Variants in TDRD5 observed in about 807,000 individuals in gnomAD.
The protein encoded by TDRD5 is tudor domain containing 5.
Under a neutral mutation model 120.6 loss-of-function variants are expected in TDRD5, and 41 were observed. The observed-to-expected ratio is 0.34, with a 90% confidence interval of 0.26 to 0.44. TDRD5 has a LOEUF of 0.44. Ranked by LOEUF, TDRD5 falls within the 20% of genes least tolerant of loss-of-function variation. The probability of loss-of-function intolerance (pLI) is 1.00; values close to 1 mark genes in which losing one functional copy is unlikely to be tolerated. For synonymous variants in TDRD5, 430 were observed against 433.7 expected (o/e 0.99, Z 0.11); for missense variants, 1,006 against 1,221.2 (o/e 0.82, Z 2.63).
At chr1:179,630,671 C>G (rs1025393762) in intron 6 of TDRD5, 96 bp from the exon 7 acceptor site, 17 of 1,284,222 alleles carry the variant, frequency 1.3e-5, no homozygotes, top group South Asian at 6.2e-5. Flanking sequence ...GTTCATTGAC[C>G]CTTTAAGATT....
chr1:179,609,494 A>ATTT (rs1418899396), intron 4 of TDRD5, among the ~76,000 whole-genome samples: 10 of 152,258 alleles, frequency 6.6e-5, no homozygotes, highest in African/African-American at 2.4e-4. Context: ...TTCAAATTTC[A>ATTT]GATTTTTGGA....
At chr1:179,623,137 G>A (rs1676927026) in intron 6 of TDRD5, among the ~76,000 whole-genome samples, 1 of 152,148 alleles carries the variant, frequency 6.6e-6, no homozygotes, top group Non-Finnish European at 1.5e-5. Context: ...TTTATATCCA[G>A]TGATAATATC....
At chr1:179,672,320 AGGT>A (rs1340647108) in intron 17 of TDRD5, among the ~76,000 whole-genome samples, 2 of 152,104 alleles carry the variant, frequency 1.3e-5, no homozygotes, top group African/African-American at 4.8e-5. Context: ...TGCAGAAGTG[AGGT>A]GGTATCACAT....
At chr1:179,681,393 C>T (rs1021686406) in intron 17 of TDRD5, among the ~76,000 whole-genome samples, 2 of 151,972 alleles carry the variant, frequency 1.3e-5, no homozygotes, top group East Asian at 1.9e-4. Context: ...TTAAATACAT[C>T]GTAAACCCCA....
At chr1:179,644,911 T>C (rs1678256805) in intron 11 of TDRD5, among the ~76,000 whole-genome samples, 1 of 152,004 alleles carries the variant, frequency 6.6e-6, no homozygotes, top group Non-Finnish European at 1.5e-5. Context: ...CCCTAACTTC[T>C]TGATGTGCAA....
At chr1:179,600,016 C>T (rs890124501) in intron 4 of TDRD5, among the ~76,000 whole-genome samples, 2 of 152,086 alleles carry the variant, frequency 1.3e-5, no homozygotes, top group African/African-American at 4.8e-5. Context: ...GAGTGCACTC[C>T]TTACTAAAAA....
intron 14 of TDRD5, among the ~76,000 whole-genome samples, chr1:179,656,895 A>G (rs1679035892): frequency 6.6e-6 from 1 of 152,162 alleles, no homozygotes; most frequent in Non-Finnish European, 1.5e-5. Flanking sequence ...CTACTAAACA[A>G]TACAAAAACT....
intron 4 of TDRD5, among the ~76,000 whole-genome samples, chr1:179,609,444 G>A (rs1240971755): frequency 6.6e-6 from 1 of 152,100 alleles, no homozygotes; most frequent in Non-Finnish European, 1.5e-5. Context: ...TTCCACTTGT[G>A]GCATCGTGTT....
intron 14 of TDRD5, among the ~76,000 whole-genome samples, chr1:179,654,710 G>A (rs1365278285): frequency 6.6e-6 from 1 of 152,184 alleles, no homozygotes; most frequent in Non-Finnish European, 1.5e-5. Flanking sequence ...GGAGGTGGCA[G>A]TGAGCTGAGA....
At chr1:179,650,265 G>A (rs182048824) in intron 11 of TDRD5, among the ~76,000 whole-genome samples, 3 of 152,178 alleles carry the variant, frequency 2.0e-5, no homozygotes, top group Admixed American at 1.3e-4. Flanking sequence ...GCTGGGTGTA[G>A]TGGCACGCAC....
At chr1:179,634,736 A>G (rs1677671898) in intron 8 of TDRD5, 107 bp downstream of exon 8, 1 of 1,265,914 alleles carries the variant, frequency 7.9e-7, no homozygotes, top group South Asian at 1.9e-5. Context: ...TTATTTCTGG[A>G]TATATCATTT....
intron 4 of TDRD5, among the ~76,000 whole-genome samples, chr1:179,616,575 T>A (rs548086202): frequency 3.9e-5 from 6 of 152,318 alleles, no homozygotes; most frequent in African/African-American, 1.2e-4. Flanking sequence ...TGTTTTTGCT[T>A]GTATAACCAA....
chr1:179,662,871 TATAA>T (rs1325740074), intron 15 of TDRD5, among the ~76,000 whole-genome samples: 1 of 152,344 alleles, frequency 6.6e-6, no homozygotes, highest in African/African-American at 2.4e-5. Flanking sequence ...CCTTAGGATC[TATAA>T]ATAAATGAAA....
intron 11 of TDRD5, 82 bp from the exon 12 acceptor site, chr1:179,650,785 A>G: frequency 2.2e-6 from 3 of 1,390,016 alleles, no homozygotes; most frequent in Non-Finnish European, 3.0e-6. Context: ...TCTCTAGTTC[A>G]TCAGAATTCA....
intron 13 of TDRD5, among the ~76,000 whole-genome samples, chr1:179,652,524 C>T (rs1049734330): frequency 6.6e-6 from 1 of 152,130 alleles, no homozygotes; most frequent in African/African-American, 2.4e-5. Context: ...AAACTTTCAG[C>T]AACTCCTCCC....
chr1:179,617,769 C>T (rs888947923), intron 4 of TDRD5, among the ~76,000 whole-genome samples: 2 of 152,020 alleles, frequency 1.3e-5, no homozygotes, highest in African/African-American at 4.8e-5. Context: ...TGATCACATC[C>T]TCCTGTCCTT....
intron 4 of TDRD5, among the ~76,000 whole-genome samples, chr1:179,610,622 G>T (rs796336341): frequency 1.6e-4 from 25 of 152,204 alleles, no homozygotes; most frequent in African/African-American, 5.8e-4. Context: ...TTGAAAGATG[G>T]TTAAGTACAA....
At chr1:179,602,467 A>C (rs993392912) in intron 4 of TDRD5, among the ~76,000 whole-genome samples, 2 of 152,148 alleles carry the variant, frequency 1.3e-5, no homozygotes, top group African/African-American at 2.4e-5. Flanking sequence ...AATGTCTAGA[A>C]GGGTTTTTCC....
chr1:179,628,277 G>A (rs984683217), intron 6 of TDRD5, among the ~76,000 whole-genome samples: 1 of 150,692 alleles, frequency 6.6e-6, no homozygotes, highest in Non-Finnish European at 1.5e-5. Context: ...AGTAAGGAGG[G>A]TGGGAGTAGA....
Sources: gnomAD v4.1 joint callset for allele counts (sites outside exome capture counted in the v4.1 genomes callset) on GRCh38, gnomAD v4.1.1 for gene constraint, MANE v1.5 for transcripts, NCBI Gene and HGNC (gene_info 2026-07-23, HGNC 2026-07-21) for gene names.